TMEM161B: variants seen among roughly 807,000 people sequenced by gnomAD.
TMEM161B encodes the protein transmembrane protein 161B.
TMEM161B carries 34 observed loss-of-function variants against 61.8 expected under a neutral mutation model. That is an observed-to-expected ratio of 0.55 (90% CI 0.42 to 0.73). The LOEUF is 0.73. TMEM161B is among the 30% of genes least tolerant of loss of function. TMEM161B has a pLI of 0.00. For synonymous variants in TMEM161B, 167 were observed against 192.8 expected (o/e 0.87, Z 1.11); for missense variants, 456 against 558.5 (o/e 0.82, Z 1.85).
Position 88,207,165 on chromosome 5 carries a change from T to C in TMEM161B, c.462A>G (p.Ser154=), listed in dbSNP as rs769537156. 3 of 1,608,682 alleles carry C rather than the reference T, an allele frequency of 1.9e-6. No individual in the cohort carries two copies. The South Asian group carries it at 3.4e-5, about 18-fold the overall frequency. ...VLSFAIKVLF[S]LTTHYFKVED... ...CTACTTTAAAATAGTGTGTAGTTAA[T>C]GAAAATAGAACTTTGCTGCAGAAGG... is the stretch of plus-strand genomic sequence containing the variant. The change falls in exon 6 of 12, where the codon TCA becomes TCG. Residue 154 remains serine (S), a synonymous_variant. Coordinates refer to ENST00000296595, the MANE Select transcript of TMEM161B (RefSeq NM_153354.5).
At chr5:88,220,887 T>G (rs974543759) in intron 4 of TMEM161B, among the ~76,000 whole-genome samples, 168 bp from the exon 5 acceptor site, 1 of 152,122 alleles carries the variant, frequency 6.6e-6, no homozygotes, top group African/African-American at 2.4e-5. Flanking sequence ...ATGCAAGAAA[T>G]AGACTGAGGA....
intron 9 of TMEM161B, chr5:88,202,678 A>G: frequency 2.8e-6 from 1 of 362,234 alleles, no homozygotes; most frequent in Non-Finnish European, 5.0e-6. Flanking sequence ...AATAGCCACA[A>G]TGACAACAGA....
chr5:88,190,233 G>A (rs547282299), downstream of TMEM161B: 63 of 700,816 alleles, frequency 9.0e-5, no homozygotes, highest in Admixed American at 4.0e-4. Context: ...CATGCCGGGT[G>A]GAACGGCTGG....
At chr5:88,197,632 A>C (rs1380167740) in intron 11 of TMEM161B, 37 bp downstream of exon 11, 1 of 1,510,426 alleles carries the variant, frequency 6.6e-7, no homozygotes, top group Non-Finnish European at 9.1e-7. Flanking sequence ...ATAGGTAGAA[A>C]GTAAAAGATG....
At chr5:88,254,322 A>G (rs1052662122) in intron 1 of TMEM161B, among the ~76,000 whole-genome samples, 3 of 152,164 alleles carry the variant, frequency 2.0e-5, no homozygotes, top group African/African-American at 7.2e-5. Context: ...TATTTGAAGA[A>G]CTTATTATAG....
intron 1 of TMEM161B, among the ~76,000 whole-genome samples, chr5:88,257,012 A>C (rs76222725): frequency 2.0e-5 from 3 of 152,320 alleles, no homozygotes; most frequent in East Asian, 3.9e-4. Flanking sequence ...GCAGTGGCTA[A>C]AGCCTGTAAT....
chr5:88,211,453 A>G (rs1275147770), intron 5 of TMEM161B, among the ~76,000 whole-genome samples: 2 of 152,008 alleles, frequency 1.3e-5, no homozygotes, highest in African/African-American at 2.4e-5. Context: ...AGCAGAACAA[A>G]AAGACAAAAT....
chr5:88,230,061 A>G (rs1750727170), intron 2 of TMEM161B, among the ~76,000 whole-genome samples: 1 of 151,954 alleles, frequency 6.6e-6, no homozygotes, highest in Non-Finnish European at 1.5e-5. Context: ...GTCTGGTGGC[A>G]TGCACCTGTG....
intron 2 of TMEM161B, among the ~76,000 whole-genome samples, chr5:88,232,764 T>C (rs901091728): frequency 1.3e-5 from 2 of 152,102 alleles, no homozygotes; most frequent in African/African-American, 4.8e-5. Context: ...TTAGTAGAAA[T>C]GGGGTTTCAC....
At chr5:88,263,192 G>A (rs1755907281) in intron 1 of TMEM161B, among the ~76,000 whole-genome samples, 1 of 151,588 alleles carries the variant, frequency 6.6e-6, no homozygotes, top group Non-Finnish European at 1.5e-5. Context: ...TTGCTACAAT[G>A]TCACCTCCTC....
At chr5:88,238,819 A>G (rs1178344690) in intron 2 of TMEM161B, among the ~76,000 whole-genome samples, 4 of 152,058 alleles carry the variant, frequency 2.6e-5, no homozygotes, top group Admixed American at 6.6e-5. Context: ...ATAAATGACA[A>G]CATGACCTCA....
At chr5:88,206,064 C>A in intron 7 of TMEM161B, 110 bp from the exon 8 acceptor site, 1 of 893,270 alleles carries the variant, frequency 1.1e-6, no homozygotes, top group Non-Finnish European at 1.7e-6. Context: ...TAAAACAAAG[C>A]AAATTTCTAC....
rs902785491 is a variant in TMEM161B at position 88,225,752 on chromosome 5, A to G, written c.289+17T>C. On this transcript the variant is annotated intron_variant, in intron 4 of 11. Transcript: ENST00000296595. Reference sequence around the variant, plus strand: ...AAAACTGAGATTTATAGAACATTTTATCAAGATTTCCCTTACCTAAAGTAT... The same window carrying G: ...AAAACTGAGATTTATAGAACATTTTGTCAAGATTTCCCTTACCTAAAGTAT... 1 of 1,505,794 alleles carries G rather than the reference A, an allele frequency of 6.6e-7. No homozygotes were observed. The highest frequency in any genetic ancestry group is 9.2e-7 in the Non-Finnish European group (1 of 1,092,104). The allele number at this position is 1,505,794 out of a possible 1,614,324, so 93.3% of individuals were successfully genotyped here. A position where few individuals can be genotyped will look rare whatever the true frequency, so the allele number is the denominator to read the frequency against.
chr5:88,191,239 C>T (rs576617588), downstream of TMEM161B, among the ~76,000 whole-genome samples: 10 of 152,216 alleles, frequency 6.6e-5, no homozygotes, highest in South Asian at 2.1e-4. Flanking sequence ...TAATTCCAAA[C>T]GGAAAATGAT....
downstream of TMEM161B, among the ~76,000 whole-genome samples, chr5:88,191,956 CAAAAAAAAAAA>C (rs1206243754): frequency 1.1e-4 from 2 of 18,062 alleles, no homozygotes; most frequent in Admixed American, 1.3e-3. Flanking sequence ...GACTCTGTCT[CAAAAAAAAAAA>C]AAAAAAAAAA....
intron 2 of TMEM161B, among the ~76,000 whole-genome samples, chr5:88,230,518 C>T (rs1359168115): frequency 6.6e-6 from 1 of 152,172 alleles, no homozygotes; most frequent in East Asian, 1.9e-4. Context: ...CTTGCTTCTA[C>T]AGCCTTTCAT....
intron 5 of TMEM161B, among the ~76,000 whole-genome samples, chr5:88,207,752 A>G (rs950603796): frequency 6.6e-6 from 1 of 152,208 alleles, no homozygotes; most frequent in African/African-American, 2.4e-5. Flanking sequence ...AACCACCCCA[A>G]CACACACAAA....
chr5:88,214,479 T>C (rs990576913), intron 5 of TMEM161B, among the ~76,000 whole-genome samples: 1 of 152,024 alleles, frequency 6.6e-6, no homozygotes, highest in Non-Finnish European at 1.5e-5. Flanking sequence ...CATTGTAAAA[T>C]ATTTTCATTT....
At chr5:88,229,187 C>T (rs1750564418) in intron 2 of TMEM161B, among the ~76,000 whole-genome samples, 1 of 152,202 alleles carries the variant, frequency 6.6e-6, no homozygotes. Context: ...CCCTCCCAAG[C>T]ACCAAGTGGC....
Sources: gnomAD v4.1 joint callset for allele counts (sites outside exome capture counted in the v4.1 genomes callset) on GRCh38, gnomAD v4.1.1 for gene constraint, MANE v1.5 for transcripts, NCBI Gene and HGNC (gene_info 2026-07-23, HGNC 2026-07-21) for gene names.